The following SLC38A5 variants were observed in gnomAD, a reference collection of about 807,000 sequenced individuals.
SLC38A5 encodes solute carrier family 38 member 5.
SLC38A5 carries 9 observed loss-of-function variants against 34.6 expected under a neutral mutation model. The observed-to-expected ratio is 0.26, with a 90% CI of 0.16 to 0.45. The LOEUF (loss-of-function observed/expected upper bound fraction) is 0.45, where lower values mean the gene tolerates loss of function less well. Among genes scored for constraint, SLC38A5 ranks in the 20% least tolerant of loss-of-function variants. The pLI, the probability that SLC38A5 is intolerant of heterozygous loss-of-function variation, is 1.00. For synonymous variants in SLC38A5, 157 were observed against 155.6 expected (o/e 1.01, Z -0.07); for missense variants, 253 against 394.7 (o/e 0.64, Z 3.04).
intron 6 of SLC38A5, 143 bp downstream of exon 6, chrX:48,466,656 T>A (rs1427061962): frequency 7.9e-6 from 5 of 628,937 alleles, no homozygotes; most frequent in Non-Finnish European, 1.3e-5. Flanking sequence ...TCTGGGGTGC[T>A]GGGTCCGGGA....
At position 48,458,624 on chromosome X, in the gene SLC38A5, G is replaced by T. The variant is rs2147051644; in HGVS notation, c.*309C>A. 1 of 932,530 alleles carries T rather than the reference G, an allele frequency of 1.1e-6. No homozygotes were observed. Among genetic ancestry groups the T allele is most frequent in the East Asian group, 5.1e-5 (1 of 19,420 alleles). 76.9% of individuals were successfully genotyped at this position (932,530 alleles called of 1,213,427 possible). A position where few individuals can be genotyped will look rare whatever the true frequency, so the allele number is the denominator to read the frequency against. On this transcript the variant is annotated 3_prime_UTR_variant, in exon 17 of 17. Transcript: ENST00000620913. ...AGCTTCAGCCAGGAGGAGGCAGAGA[G>T]GACTGGGCTGGGCAAAGGCTCCACC...
intron 2 of SLC38A5, chrX:48,468,427 C>A: frequency 6.6e-6 from 5 of 762,613 alleles, no homozygotes; most frequent in Non-Finnish European, 7.8e-6. Flanking sequence ...GTCGGCCTGG[C>A]TGCCCCACCC....
intron 13 of SLC38A5, 34 bp downstream of exon 13, chrX:48,460,952 C>A (rs782457222): frequency 2.7e-6 from 3 of 1,099,284 alleles, no homozygotes; most frequent in Non-Finnish European, 3.7e-6. Context: ...CAGGCCTTCC[C>A]CCTCCCCCCA....
At chrX:48,468,924 C>A (rs920466072) in intron 2 of SLC38A5, 25 of 750,907 alleles carry the variant, frequency 3.3e-5, no homozygotes, top group Non-Finnish European at 3.9e-5. Context: ...AATCCCCACC[C>A]GAGCCTGGAG....
At chrX:48,468,384 T>C in intron 2 of SLC38A5, 1 of 764,922 alleles carries the variant, frequency 1.3e-6, no homozygotes, top group Non-Finnish European at 1.5e-6. Context: ...CCTCACCGCG[T>C]GGCCAGGCGG....
chrX:48,468,339 CG>C, intron 2 of SLC38A5: 1 of 782,295 alleles, frequency 1.3e-6, no homozygotes, highest in Non-Finnish European at 1.5e-6. Context: ...TTTCATTCCC[CG>C]GTCCCCCGCG....
Position 48,466,144 on chromosome X carries a change from C to A in SLC38A5, c.413-51G>T, listed in dbSNP as rs781870678. 7 of 1,152,162 alleles carry A rather than the reference C, an allele frequency of 6.1e-6. No individual in the cohort carries two copies. The Admixed American group carries it at 1.3e-4, about 21-fold the overall frequency. The allele number at this position is 1,152,162 out of a possible 1,213,427, so 95.0% of individuals were successfully genotyped here. A position where few individuals can be genotyped will look rare whatever the true frequency, so the allele number is the denominator to read the frequency against. The stretch of plus-strand genomic sequence containing the variant: ...CAGAAGGATTCTCTTCATGCCCCCA[C>A]CCCGTCTTCCCCAGCCCAGCCTGGG... On this transcript the variant is annotated intron_variant, in intron 7 of 16. Transcript: ENST00000620913.
At chrX:48,459,135 A>T (rs1163968094) in intron 16 of SLC38A5, 101 bp from the exon 17 acceptor site, 1 of 890,739 alleles carries the variant, frequency 1.1e-6, no homozygotes, top group African/African-American at 2.0e-5. Flanking sequence ...AGAGTGCTCC[A>T]TCCATTCCTG....
chrX:48,464,610 AC>A (rs1415116173), intron 8 of SLC38A5, among the ~76,000 whole-genome samples: 1 of 112,318 alleles, frequency 8.9e-6, no homozygotes, highest in Non-Finnish European at 1.9e-5. Context: ...AGCCTGGCCA[AC>A]ATGGCAAAAC....
At chrX:48,465,005 AAGCCCATGGGACCAGAGGCAGAGTT>A (rs1342541107) in intron 8 of SLC38A5, among the ~76,000 whole-genome samples, 3 of 110,538 alleles carry the variant, frequency 2.7e-5, no homozygotes, top group Admixed American at 9.7e-5. Context: ...ACACCATGCA[AAGCCCATGGGACCAGAGGCAGAGTT>A]AGCCCATGGG....
chrX:48,459,429 T>A, intron 16 of SLC38A5, 107 bp downstream of exon 16: 1 of 736,488 alleles, frequency 1.4e-6, no homozygotes, highest in African/African-American at 2.2e-5. Context: ...TCAGATGCTC[T>A]CCCAGCCCCC....
intron 7 of SLC38A5, 52 bp downstream of exon 7, chrX:48,466,178 C>G (rs2061474675): frequency 8.6e-7 from 1 of 1,156,210 alleles, no homozygotes; most frequent in South Asian, 1.9e-5. Flanking sequence ...GGGAAGCCCA[C>G]CTCACTCCGC....
chrX:48,467,249 G>A (rs1556963717), intron 4 of SLC38A5, 172 bp from the exon 5 acceptor site: 2 of 453,854 alleles, frequency 4.4e-6, no homozygotes, highest in African/African-American at 2.5e-5. Flanking sequence ...GAAGATGGAA[G>A]AGGCTGCGAA....
Position 48,458,631 on chromosome X carries a change from G to A in SLC38A5, c.*302C>T. 1.1e-6 allele frequency: 1 copy of A among 948,975 alleles called. No homozygotes were observed. Among genetic ancestry groups the A allele is most frequent in the Non-Finnish European group, 1.3e-6 (1 of 760,849 alleles). The allele number at this position is 948,975 out of a possible 1,213,427, so 78.2% of individuals were successfully genotyped here. A position where few individuals can be genotyped will look rare whatever the true frequency, so the allele number is the denominator to read the frequency against. ...GCCAGGAGGAGGCAGAGAGGACTGG[G>A]CTGGGCAAAGGCTCCACCAGGACCT... On this transcript the variant is annotated 3_prime_UTR_variant, in exon 17 of 17. Transcript: ENST00000620913.
Position 48,458,930 on chromosome X carries a change from T to C in SLC38A5, c.*3A>G. 1 of 1,180,136 alleles carries C rather than the reference T, an allele frequency of 8.5e-7. No homozygotes were observed. Among genetic ancestry groups the C allele is most frequent in the South Asian group, 1.9e-5 (1 of 53,439 alleles). ...CACAGGGACCTGGGCCAGCAGGGCC[T>C]GATCAGTGTCCAGACATGCGGCTCT... is the stretch of plus-strand genomic sequence containing the variant. On this transcript the variant is annotated 3_prime_UTR_variant, in exon 17 of 17. Coordinates refer to ENST00000620913, the MANE Select transcript of SLC38A5 (RefSeq NM_033518.4).
chrX:48,465,947 G>T, intron 8 of SLC38A5, 68 bp downstream of exon 8: 1 of 938,371 alleles, frequency 1.1e-6, no homozygotes. Context: ...CAGCGCTGAA[G>T]ATACTGACCG....
intron 14 of SLC38A5, 142 bp from the exon 15 acceptor site, chrX:48,460,018 A>T: frequency 2.5e-6 from 2 of 802,979 alleles, no homozygotes; most frequent in Non-Finnish European, 3.4e-6. Flanking sequence ...ACCCTGCCTA[A>T]CCCAACATCT....
intron 2 of SLC38A5, chrX:48,469,024 T>C (rs1252392874): frequency 1.3e-6 from 1 of 750,860 alleles, no homozygotes. Flanking sequence ...GAAACCCCCA[T>C]TCAAGGTCCC....
At chrX:48,462,312 A>C (rs782652414) in intron 9 of SLC38A5, 21 bp from the exon 10 acceptor site, 1 of 1,199,600 alleles carries the variant, frequency 8.3e-7, no homozygotes, top group Non-Finnish European at 1.1e-6. Flanking sequence ...CAAAACACAG[A>C]GTCTCAGAAA....
Sources: gnomAD v4.1 joint callset for allele counts (sites outside exome capture counted in the v4.1 genomes callset) on GRCh38, gnomAD v4.1.1 for gene constraint, MANE v1.5 for transcripts, NCBI Gene and HGNC (gene_info 2026-07-23, HGNC 2026-07-21) for gene names.